The following ATF7 variants were observed in gnomAD, a reference collection of about 807,000 sequenced individuals.
ATF7 encodes activating transcription factor 7, also known as cyclic AMP-dependent transcription factor ATF-7.
In ATF7, 10 loss-of-function variants were observed where a neutral mutation model predicts 50.4. The ratio of observed to expected loss-of-function variants is 0.20; its 90% CI spans 0.12 to 0.34. ATF7 has a LOEUF of 0.34. Among genes scored for constraint, ATF7 ranks in the 10% least tolerant of loss-of-function variants. The pLI is 1.00. For missense variants in ATF7, 465 were observed against 613.9 expected, an observed-to-expected ratio of 0.76 and a Z score of 2.56; for synonymous variants, 201 against 226.4, an observed-to-expected ratio of 0.89 and a Z score of 1.01.
In ATF7 at chr12:53,524,672, C is replaced by T; in HGVS notation, c.1017G>A (p.Leu339=). 6.2e-7 allele frequency: 1 copy of T among 1,613,642 alleles called. No homozygotes were observed. Among genetic ancestry groups the T allele is most frequent in the Non-Finnish European group, 8.5e-7 (1 of 1,179,906 alleles). ...GGGAGGCTGCAGCCCGGTTGCGCTC[C>T]AGAAAGCGCTGCCGTCGCTCATCTG... ...EDPDERRQRF[L]ERNRAAASRC... The change falls in exon 10 of 12, where the codon CTG becomes CTA. Residue 339 remains leucine, a synonymous_variant. Coordinates refer to ENST00000420353, the MANE Select transcript of ATF7 (RefSeq NM_006856.3). The surrounding 1 kb of genome is among the most constrained non-coding windows in gnomAD (Gnocchi z 4.6).
At chr12:53,617,889 C>CAA (rs71444812) in intron 1 of ATF7, among the ~76,000 whole-genome samples, 214 of 120,102 alleles carry the variant, frequency 1.8e-3, no homozygotes, top group South Asian at 3.7e-3. Context: ...TACAGAAGAC[C>CAA]AAAAAAAAAA....
At chr12:53,563,168 G>A (rs941940306) in intron 2 of ATF7, among the ~76,000 whole-genome samples, 3 of 152,094 alleles carry the variant, frequency 2.0e-5, no homozygotes, top group Non-Finnish European at 4.4e-5. Context: ...AGGCCCAGCT[G>A]AAATCCAATA....
chr12:53,602,356 T>C (rs987721088), intron 1 of ATF7, among the ~76,000 whole-genome samples: 7 of 152,214 alleles, frequency 4.6e-5, no homozygotes, highest in African/African-American at 1.7e-4. Context: ...GTTAACGTGC[T>C]AGACTGAATC....
Position 53,554,982 on chromosome 12 carries a change from G to C in ATF7, c.49-2345C>G, listed in dbSNP as rs539604454. On this transcript the variant is annotated intron_variant, in intron 2 of 11. Coordinates refer to ENST00000420353, the MANE Select transcript of ATF7 (RefSeq NM_006856.3). ...ACCAAGAACTTTAGTTTTCTCTATT[G>C]TTGGTAAACTCCAGGCACCATCTTT... Among the ~76,000 whole-genome samples, 7 of 148,066 alleles carry C rather than the reference G, an allele frequency of 4.7e-5. No individual in the cohort carries two copies. In the East Asian group the frequency reaches 1.3e-3, roughly 27 times the overall value.
chr12:53,555,070 C>T (rs534275657), intron 2 of ATF7, among the ~76,000 whole-genome samples: 1 of 151,850 alleles, frequency 6.6e-6, no homozygotes, highest in African/African-American at 2.4e-5. Context: ...GCTTGTAATC[C>T]CAGCACTGGG....
At chr12:53,615,385 AAAAAAAGAAAAGAAAAAT>A (rs1479503061) in intron 1 of ATF7, among the ~76,000 whole-genome samples, 1 of 152,098 alleles carries the variant, frequency 6.6e-6, no homozygotes, top group Non-Finnish European at 1.5e-5. Context: ...CTCTGTCTCA[AAAAAAAGAAAAGAAAAAT>A]AAAAAAGAAA....
intron 1 of ATF7, among the ~76,000 whole-genome samples, chr12:53,614,288 T>C (rs544639448): frequency 5.9e-5 from 9 of 152,172 alleles, no homozygotes; most frequent in South Asian, 2.1e-4. Flanking sequence ...CTGGAGAACA[T>C]TGTATTTATC....
At chr12:53,612,887 C>G (rs1565600853) in intron 1 of ATF7, among the ~76,000 whole-genome samples, 1 of 152,030 alleles carries the variant, frequency 6.6e-6, no homozygotes, top group Non-Finnish European at 1.5e-5. Flanking sequence ...ACCTGTAGTC[C>G]CTGCTACTCG....
intron 9 of ATF7, among the ~76,000 whole-genome samples, chr12:53,529,994 G>A (rs1023022519): frequency 7.2e-5 from 11 of 151,908 alleles, no homozygotes; most frequent in South Asian, 2.1e-4. Context: ...CGCCCACCTC[G>A]GCCTCCCAAA....
intron 2 of ATF7, among the ~76,000 whole-genome samples, chr12:53,561,677 C>T (rs1424608206): frequency 6.6e-6 from 1 of 152,102 alleles, no homozygotes; most frequent in African/African-American, 2.4e-5. Context: ...ATCCTAGGCT[C>T]CTGCTCTCTA....
At chr12:53,564,660 A>C (rs1941342938) in intron 2 of ATF7, among the ~76,000 whole-genome samples, 2 of 152,216 alleles carry the variant, frequency 1.3e-5, no homozygotes, top group East Asian at 1.9e-4. Flanking sequence ...CAATTAAATC[A>C]ACAAGCTAGT....
rs563404205 is a variant in ATF7 at position 53,545,381 on chromosome 12, G to A, written c.146-1933C>T. On this transcript the variant is annotated intron_variant, in intron 3 of 11. Transcript: ENST00000420353. ...GTTGCTCAGGCTGGAGTGCAATGGC[G>A]CAATCTCAGCTCACTGCAACCTCCG... Among the ~76,000 whole-genome samples, 12 of 152,162 alleles carry A rather than the reference G, an allele frequency of 7.9e-5. No homozygotes were observed. The South Asian group carries it at 1.5e-3, about 18-fold the overall frequency.
In ATF7 at chr12:53,526,382, C is replaced by T. The variant is rs182406680; in HGVS notation, c.928-1621G>A. On this transcript the variant is annotated intron_variant, in intron 9 of 11. Coordinates refer to ENST00000420353, the MANE Select transcript of ATF7 (RefSeq NM_006856.3). ...GGAGGATGAAGACTTTTATGATACT[C>T]CACTTCTATTTTAATGAATAGTAAA... 3.2e-3 allele frequency among the ~76,000 whole-genome samples: 487 copies of T among 151,896 alleles called. 11 individuals carry two copies. The highest frequency in any genetic ancestry group is 5.7e-4 in the Non-Finnish European group (39 of 67,986).
rs111391259 is a variant in ATF7, at chr12:53,532,639, G to GAA, written c.661-18_661-17dup. 938 of 1,198,334 alleles carry GAA rather than the reference G, an allele frequency of 7.8e-4. No individual in the cohort carries two copies. Among genetic ancestry groups the GAA allele is most frequent in the South Asian group, 9.3e-4 (63 of 68,052 alleles). The allele number at this position is 1,198,334 out of a possible 1,614,324, so 74.2% of individuals were successfully genotyped here. ...GTCTGGCCAGCTGGATCGAGAGAAG[G>GAA]AAAAAAAAAAAAAGAGAAGGGAACA... On this transcript the variant is annotated splice_polypyrimidine_tract_variant and intron_variant, in intron 7 of 11. Transcript: ENST00000420353.
chr12:53,534,201 C>T (rs1007881972), intron 6 of ATF7, among the ~76,000 whole-genome samples: 4 of 151,974 alleles, frequency 2.6e-5, no homozygotes, highest in Non-Finnish European at 4.4e-5. Context: ...GGCCTGAACC[C>T]GGGAGACGGA....
At chr12:53,552,145 G>A (rs1940399344) in intron 3 of ATF7, among the ~76,000 whole-genome samples, 1 of 152,202 alleles carries the variant, frequency 6.6e-6, no homozygotes, top group Non-Finnish European at 1.5e-5. Context: ...CCCAGTGGAA[G>A]AGAAGCAACC....
intron 11 of ATF7, among the ~76,000 whole-genome samples, chr12:53,518,049 G>A (rs959961222): frequency 3.3e-5 from 5 of 151,812 alleles, no homozygotes; most frequent in African/African-American, 7.3e-5. Flanking sequence ...ATTTTTAGTA[G>A]AGATGGGGTT....
At chr12:53,561,161 C>A (rs1941076569) in intron 2 of ATF7, among the ~76,000 whole-genome samples, 1 of 151,778 alleles carries the variant, frequency 6.6e-6, no homozygotes, top group African/African-American at 2.4e-5. Flanking sequence ...AGGCTGACTG[C>A]AAACTCTTGG....
intron 2 of ATF7, among the ~76,000 whole-genome samples, chr12:53,574,247 A>G (rs1009647720): frequency 1.3e-5 from 2 of 152,224 alleles, no homozygotes; most frequent in African/African-American, 4.8e-5. Flanking sequence ...AGAATAAAAA[A>G]GAGAAACTTT....
Sources: gnomAD v4.1 joint callset for allele counts (sites outside exome capture counted in the v4.1 genomes callset) on GRCh38, gnomAD v4.1.1 for gene constraint, Gnocchi (gnomAD v3.1) non-coding constraint, MANE v1.5 for transcripts, NCBI Gene and HGNC (gene_info 2026-07-23, HGNC 2026-07-21) for gene names.